The following MAST4 variants were observed in gnomAD, a reference collection of about 807,000 sequenced individuals.
The protein encoded by MAST4 is microtubule-associated serine/threonine-protein kinase 4.
MAST4 carries 89 observed loss-of-function variants against 162.7 expected under a neutral mutation model. The observed-to-expected ratio is 0.55, with a 90% CI of 0.46 to 0.65. The LOEUF is 0.65. Ranked by LOEUF, MAST4 falls within the 30% of genes least tolerant of loss-of-function variation. The pLI is 0.00. For missense variants in MAST4, 3,153 were observed against 3,374.0 expected (o/e 0.93, Z 1.62); for synonymous variants, 1,479 against 1,361.1 (o/e 1.09, Z -1.91).
chr5:67,041,809 A>C (rs27208), intron 4 of MAST4, among the ~76,000 whole-genome samples: 5 of 152,118 alleles, frequency 3.3e-5, no homozygotes, highest in African/African-American at 7.2e-5. Context: ...TTGTATTTTT[A>C]ATATAGACAA....
intron 2 of MAST4, among the ~76,000 whole-genome samples, chr5:66,784,660 T>C (rs998442739): frequency 1.3e-5 from 2 of 152,094 alleles, no homozygotes; most frequent in Admixed American, 6.6e-5. Flanking sequence ...TATTATTCTT[T>C]TGTGTGTGTG....
In MAST4 at chr5:67,164,691, T is replaced by C. The variant is rs2151132547; in HGVS notation, c.5512T>C (p.Ser1838Pro). 6.2e-7 allele frequency: 1 copy of C among 1,613,960 alleles called. No homozygotes were observed. Among genetic ancestry groups the C allele is most frequent in the East Asian group, 2.2e-5 (1 of 44,882 alleles). The stretch of plus-strand genomic sequence containing the variant: ...CAGCCCAAGTGGTGACGTGAGGGCC[T>C]CTGTGCCACCAGTTCTCCCCAGCAG... ...SPSPSGDVRASVPPVLPSSSG... is the reference protein window; with the variant it reads ...SPSPSGDVRAPVPPVLPSSSG... Residue 1838 changes from serine (S) to proline (P), a missense_variant, in exon 29 of 29, where the codon TCT (serine) becomes CCT (proline). Transcript: ENST00000403625. The surrounding 1 kb of genome is among the most constrained non-coding windows in gnomAD (Gnocchi z 5.3).
chr5:66,864,903 A>G (rs1272710901), intron 3 of MAST4, among the ~76,000 whole-genome samples: 1 of 152,200 alleles, frequency 6.6e-6, no homozygotes, highest in Non-Finnish European at 1.5e-5. Flanking sequence ...GATGGCTTAG[A>G]TGAGGTTGAG....
chr5:67,144,591 T>G lies in MAST4; in HGVS notation c.2731-78T>G, dbSNP rs1770833659. The stretch of plus-strand genomic sequence containing the variant: ...AGAATTTAGTTATCCTCTCAGGTTT[T>G]TCTCCCAAGACTTGGAGTGTTTTTC... On this transcript the variant is annotated intron_variant, in intron 21 of 28. Transcript: ENST00000403625. The G allele has an allele frequency of 3.4e-6, 5 of 1,463,010 alleles. No homozygotes were observed. The East Asian group carries it at 1.1e-4, about 33-fold the overall frequency. 90.6% of individuals were successfully genotyped at this position (1,463,010 alleles called of 1,614,324 possible).
Position 67,169,002 on chromosome 5 carries a change from A to AT in MAST4, c.*1951_*1952insT, listed in dbSNP as rs953125872. The AT allele has an allele frequency of 1.1e-4, 17 of 151,826 alleles. No homozygotes were observed. Among genetic ancestry groups the AT allele is most frequent in the African/African-American group, 3.6e-4 (15 of 41,356 alleles). The allele number at this position is 151,826 out of a possible 1,614,324, so 9.4% of individuals were successfully genotyped here. ...CATCACTATATTGTGAAGCTGTAAA[A>AT]ATATATATATATACTTTACAAGAGT... is the stretch of plus-strand genomic sequence containing the variant. On this transcript the variant is annotated 3_prime_UTR_variant, in exon 29 of 29. Transcript: ENST00000403625.
chr5:67,057,815 G>A (rs559385713), intron 5 of MAST4, among the ~76,000 whole-genome samples: 1 of 152,014 alleles, frequency 6.6e-6, no homozygotes, highest in South Asian at 2.1e-4. Flanking sequence ...CAGTTTACAT[G>A]AAGAAATTGT....
chr5:67,155,333 A>G (rs1379509778), intron 26 of MAST4, among the ~76,000 whole-genome samples: 1 of 152,196 alleles, frequency 6.6e-6, no homozygotes, highest in Admixed American at 6.5e-5. Flanking sequence ...AATCCCTGAC[A>G]GTGTCCTCCT....
chr5:66,667,017 C>T (rs929169168), intron 1 of MAST4, among the ~76,000 whole-genome samples: 3 of 152,102 alleles, frequency 2.0e-5, no homozygotes, highest in Admixed American at 1.3e-4. Context: ...GATGAGGAGG[C>T]GTAGCCAGAT....
chr5:67,159,006 C>A (rs1051994099), intron 26 of MAST4, among the ~76,000 whole-genome samples: 1 of 152,176 alleles, frequency 6.6e-6, no homozygotes, highest in Non-Finnish European at 1.5e-5. Context: ...TGCACTCCAG[C>A]CTGGGCAACA....
chr5:67,064,161 A>C (rs1483716755), intron 5 of MAST4, among the ~76,000 whole-genome samples: 3 of 152,118 alleles, frequency 2.0e-5, no homozygotes, highest in Non-Finnish European at 4.4e-5. Flanking sequence ...GGAGAGTTGG[A>C]GTGAGAAGAA....
At chr5:66,650,558 T>C (rs1746151031) in intron 1 of MAST4, among the ~76,000 whole-genome samples, 1 of 152,198 alleles carries the variant, frequency 6.6e-6, no homozygotes, top group Non-Finnish European at 1.5e-5. Flanking sequence ...TTATGAATTT[T>C]GAGTATCATT....
At chr5:66,856,622 T>C (rs1759702878) in intron 3 of MAST4, among the ~76,000 whole-genome samples, 1 of 152,228 alleles carries the variant, frequency 6.6e-6, no homozygotes, top group African/African-American at 2.4e-5. Flanking sequence ...TGTGTTGCCT[T>C]TATCAGGAAG....
At chr5:67,090,358 T>TC in intron 6 of MAST4, 127 bp downstream of exon 6, 1 of 321,274 alleles carries the variant, frequency 3.1e-6, no homozygotes, top group Non-Finnish European at 5.6e-6. Context: ...CACTTCCCCT[T>TC]CCCCCCACTT....
Position 66,627,660 on chromosome 5 carries a change from T to C in MAST4, c.363+30642T>C, listed in dbSNP as rs547074860. Reference sequence around the variant, plus strand: ...CCATCTTTCTTCTAACCATTTATCATGGTCATTATCATTTTAGTATTATTA... The same window carrying C: ...CCATCTTTCTTCTAACCATTTATCACGGTCATTATCATTTTAGTATTATTA... On this transcript the variant is annotated intron_variant, in intron 1 of 28. Coordinates refer to ENST00000403625, the MANE Select transcript of MAST4 (RefSeq NM_001164664.2). Among the ~76,000 whole-genome samples, 13 of 152,290 alleles carry C rather than the reference T, an allele frequency of 8.5e-5. No homozygotes were observed. The South Asian group carries it at 1.2e-3, about 15-fold the overall frequency.
At chr5:67,142,032 T>G (rs908093085) in intron 19 of MAST4, 83 bp from the exon 20 acceptor site, 11 of 1,393,718 alleles carry the variant, frequency 7.9e-6, no homozygotes, top group Non-Finnish European at 8.9e-6. Flanking sequence ...GTTCTCAAAA[T>G]TGTTGTTAAA....
chr5:67,111,901 A>T (rs1189053068), intron 11 of MAST4, among the ~76,000 whole-genome samples: 1 of 152,154 alleles, frequency 6.6e-6, no homozygotes, highest in Non-Finnish European at 1.5e-5. Context: ...ATGAAACTGG[A>T]GTTTCATAGT....
intron 4 of MAST4, among the ~76,000 whole-genome samples, chr5:66,966,811 C>T (rs761690517): frequency 6.6e-6 from 1 of 152,156 alleles, no homozygotes; most frequent in African/African-American, 2.4e-5. Context: ...AGCAGGTGTT[C>T]AGTAGATAAT....
chr5:67,160,367 A>G, intron 26 of MAST4, 89 bp from the exon 27 acceptor site: 1 of 1,303,278 alleles, frequency 7.7e-7, no homozygotes, highest in East Asian at 2.6e-5. Flanking sequence ...GTTCCTTTCT[A>G]TTTGTATTTG....
intron 5 of MAST4, among the ~76,000 whole-genome samples, chr5:67,060,974 ACT>A (rs1174557324): frequency 7.2e-5 from 11 of 152,280 alleles, no homozygotes; most frequent in African/African-American, 2.2e-4. Context: ...TGTTGCCATG[ACT>A]CTAATCTTCA....
Sources: gnomAD v4.1 joint callset for allele counts (sites outside exome capture counted in the v4.1 genomes callset) on GRCh38, gnomAD v4.1.1 for gene constraint, Gnocchi (gnomAD v3.1) non-coding constraint, MANE v1.5 for transcripts, NCBI Gene and HGNC (gene_info 2026-07-23, HGNC 2026-07-21) for gene names.